ZNF385D: variants seen among roughly 807,000 people sequenced by gnomAD.
ZNF385D encodes zinc finger protein 385D.
A neutral mutation model predicts 35.8 loss-of-function variants in ZNF385D; 15 were observed. That is an observed-to-expected ratio of 0.42 (90% CI 0.28 to 0.64). The LOEUF is 0.64. ZNF385D is among the 30% of genes least tolerant of loss of function. The pLI is 0.23. For synonymous variants in ZNF385D, 212 were observed against 186.8 expected (o/e 1.13, Z -1.10); for missense variants, 474 against 494.6 (o/e 0.96, Z 0.39).
At chr3:21,927,625 T>C (rs1700794986) in intron 3 of ZNF385D, among the ~76,000 whole-genome samples, 1 of 152,138 alleles carries the variant, frequency 6.6e-6, no homozygotes, top group Non-Finnish European at 1.5e-5. Context: ...CAAATATGTT[T>C]AAAATAAGTT....
intron 3 of ZNF385D, among the ~76,000 whole-genome samples, chr3:22,044,149 T>C (rs983512499): frequency 3.7e-4 from 56 of 151,702 alleles, no homozygotes; most frequent in African/African-American, 1.3e-3. Flanking sequence ...GCTGTGATTG[T>C]ACAGAACAGC....
chr3:22,157,767 C>T (rs1358452839), intron 3 of ZNF385D, among the ~76,000 whole-genome samples: 1 of 152,084 alleles, frequency 6.6e-6, no homozygotes, highest in African/African-American at 2.4e-5. Flanking sequence ...ATTCATTCCT[C>T]TCAGGGTTGG....
At chr3:21,969,758 C>T (rs1703130298) in intron 3 of ZNF385D, among the ~76,000 whole-genome samples, 1 of 151,412 alleles carries the variant, frequency 6.6e-6, no homozygotes, top group South Asian at 2.1e-4. Context: ...GGACTCACTG[C>T]TATGCTGGCT....
Position 22,244,754 on chromosome 3 carries a change from A to C in ZNF385D, c.107-75719T>G, listed in dbSNP as rs926725425. On this transcript the variant is annotated intron_variant, in intron 2 of 5. Coordinates refer to the ZNF385D transcript ENST00000494108. ...AGGTATTTAATGCCTCAGGTATATT[A>C]AAAAGTATCAGCGAGCTCTAAAATC... is the stretch of plus-strand genomic sequence containing the variant. 4.0e-5 allele frequency among the ~76,000 whole-genome samples: 6 copies of C among 151,106 alleles called. 1 individual carries two copies. Among genetic ancestry groups the C allele is most frequent in the African/African-American group, 1.5e-4 (6 of 40,856 alleles).
intron 2 of ZNF385D, among the ~76,000 whole-genome samples, chr3:22,364,103 C>T (rs934863845): frequency 3.3e-5 from 5 of 151,962 alleles, no homozygotes; most frequent in African/African-American, 1.2e-4. Context: ...CATAATCATT[C>T]TAGGCTCTTA....
intron 3 of ZNF385D, among the ~76,000 whole-genome samples, chr3:21,808,137 G>C (rs935662806): frequency 1.3e-5 from 2 of 152,134 alleles, no homozygotes; most frequent in Non-Finnish European, 2.9e-5. Context: ...CAAAATAGTA[G>C]TGACACAGGA....
intron 4 of ZNF385D, 111 bp from the exon 5 acceptor site, chr3:21,437,314 G>T: frequency 9.8e-7 from 1 of 1,024,746 alleles, no homozygotes; most frequent in Non-Finnish European, 1.4e-6. Flanking sequence ...AGAGCAGCTA[G>T]CAATTGCTGT....
chr3:21,449,037 T>A (rs1400251690), intron 4 of ZNF385D, among the ~76,000 whole-genome samples: 2 of 152,048 alleles, frequency 1.3e-5, no homozygotes, highest in Non-Finnish European at 2.9e-5. Flanking sequence ...CATTTAAAAA[T>A]TGTTTATTTT....
rs780172550 is a variant in ZNF385D at position 21,710,142 on chromosome 3, G to GGTAT, written c.22+40749_22+40752dup. Among the ~76,000 whole-genome samples, 3 of 152,124 alleles carry GGTAT rather than the reference G, an allele frequency of 2.0e-5. No homozygotes were observed. The South Asian group carries it at 6.2e-4, about 32-fold the overall frequency. ...AGCGCTTTCAGGAGTTGGGTATGGG[G>GGTAT]GTATGGTTTAGAATAAAAGACATGA... On this transcript the variant is annotated intron_variant, in intron 1 of 7. Transcript: ENST00000281523.
chr3:21,930,384 G>C (rs1220134636), intron 3 of ZNF385D, among the ~76,000 whole-genome samples: 3 of 150,834 alleles, frequency 2.0e-5, no homozygotes, highest in African/African-American at 7.3e-5. Context: ...TTAGGCAATT[G>C]CTACTCAGCT....
chr3:22,173,204 G>C (rs1387018656), intron 2 of ZNF385D, among the ~76,000 whole-genome samples: 1 of 152,150 alleles, frequency 6.6e-6, no homozygotes, highest in Non-Finnish European at 1.5e-5. Context: ...ACAGCCCAGT[G>C]GAGCCTAAAG....
At position 21,688,161 on chromosome 3, in the gene ZNF385D, A is replaced by C. The variant is rs574828835; in HGVS notation, c.23-23133T>G. The stretch of plus-strand genomic sequence containing the variant: ...ACTGCTTTCTTTTTTTAAAAAAACT[A>C]TGTATTTGAGGGGAACAAACACATT... On this transcript the variant is annotated intron_variant, in intron 1 of 7. Coordinates refer to ENST00000281523, the MANE Select transcript of ZNF385D (RefSeq NM_024697.3). Among the ~76,000 whole-genome samples, 3 of 152,186 alleles carry C rather than the reference A, an allele frequency of 2.0e-5. No homozygotes were observed. The East Asian group carries it at 5.8e-4, about 29-fold the overall frequency.
At position 21,837,944 on chromosome 3, in the gene ZNF385D, T is replaced by C. The variant is rs112035705; in HGVS notation, c.326-172916A>G. ...AAATAATATTGCAAATGACGGTGAG[T>C]AGAGGAAGGGAAAAATTTGTGGCCA... On this transcript the variant is annotated intron_variant, in intron 3 of 5. Transcript: ENST00000494108. Among the ~76,000 whole-genome samples, 58 of 150,788 alleles carry C rather than the reference T, an allele frequency of 3.8e-4. 1 individual carries two copies. Among genetic ancestry groups the C allele is most frequent in the African/African-American group, 1.3e-3 (53 of 40,988 alleles).
intron 3 of ZNF385D, among the ~76,000 whole-genome samples, chr3:21,516,893 A>T (rs1285741465): frequency 1.3e-5 from 2 of 151,946 alleles, no homozygotes; most frequent in African/African-American, 4.9e-5. Context: ...ATGAATGGTT[A>T]TTAGAGATGT....
chr3:21,659,172 G>A (rs1488251482), intron 2 of ZNF385D, among the ~76,000 whole-genome samples: 3 of 151,898 alleles, frequency 2.0e-5, no homozygotes, highest in Non-Finnish European at 4.4e-5. Context: ...CTTAATAAAT[G>A]CCCAGTAAGT....
chr3:21,907,621 G>A (rs1559742729), intron 3 of ZNF385D, among the ~76,000 whole-genome samples: 1 of 152,046 alleles, frequency 6.6e-6, no homozygotes, highest in African/African-American at 2.4e-5. Context: ...GTTAAAAGGA[G>A]ATACATTATA....
intron 3 of ZNF385D, among the ~76,000 whole-genome samples, chr3:21,800,048 G>A (rs1393764503): frequency 6.6e-6 from 1 of 152,126 alleles, no homozygotes; most frequent in African/African-American, 2.4e-5. Context: ...TTAAAAATCA[G>A]CCAAAGATTT....
At chr3:21,772,621 A>T (rs914190772) in intron 3 of ZNF385D, among the ~76,000 whole-genome samples, 28 of 151,922 alleles carry the variant, frequency 1.8e-4, no homozygotes, top group Admixed American at 1.8e-3. Context: ...AATGTAAAAC[A>T]GTATAGTCAT....
At position 22,172,954 on chromosome 3, in the gene ZNF385D, T is replaced by TTA. The variant is rs757183028; in HGVS notation, c.107-3920_107-3919insTA. ...GGTACAGAAAGAGGAGAAAAGTAGC[T>TTA]TTATAGTGAAGAAACCTGACAAATA... On this transcript the variant is annotated intron_variant, in intron 2 of 5. Coordinates refer to the ZNF385D transcript ENST00000494108. Among the ~76,000 whole-genome samples, 86 of 152,316 alleles carry TTA rather than the reference T, an allele frequency of 5.6e-4. 1 individual carries two copies. Among genetic ancestry groups the TTA allele is most frequent in the Admixed American group, 5.9e-4 (9 of 15,302 alleles).
Sources: gnomAD v4.1 joint callset for allele counts (sites outside exome capture counted in the v4.1 genomes callset) on GRCh38, gnomAD v4.1.1 for gene constraint, MANE v1.5 for transcripts, NCBI Gene and HGNC (gene_info 2026-07-23, HGNC 2026-07-21) for gene names.